Variants in PSORS1C1 observed in about 807,000 individuals in gnomAD.
PSORS1C1 encodes the protein psoriasis susceptibility 1 candidate gene 1 protein.
Under a neutral mutation model 9.4 loss-of-function variants are expected in PSORS1C1, and 7 were observed. The ratio of observed to expected loss-of-function variants is 0.75; its 90% confidence interval spans 0.42 to 1.40. The LOEUF (loss-of-function observed/expected upper bound fraction) is 1.40, where lower values mean the gene tolerates loss of function less well. PSORS1C1 is among the 40% of genes most tolerant of loss of function. PSORS1C1 has a pLI of 0.01. For synonymous variants in PSORS1C1, 63 were observed against 69.4 expected (o/e 0.91, Z 0.46); for missense variants, 146 against 178.1 (o/e 0.82, Z 1.02).
chr6:31,130,572 C>T (rs543917598), intron 3 of PSORS1C1, among the ~76,000 whole-genome samples: 1 of 151,188 alleles, frequency 6.6e-6, no homozygotes, highest in East Asian at 1.9e-4. Flanking sequence ...CCACCACTCC[C>T]GGCTAATTTT....
At position 31,139,156 on chromosome 6, in the gene PSORS1C1, G is replaced by A. The variant is rs1773320929; in HGVS notation, c.167+377G>A. Reference sequence around the variant, plus strand: ...CAGGAATACCATCAGAACAGAACTGGTCAAACCCGTTGGGAAGGCCTGGGC... The same window carrying A: ...CAGGAATACCATCAGAACAGAACTGATCAAACCCGTTGGGAAGGCCTGGGC... On this transcript the variant is annotated intron_variant, in intron 5 of 5. Coordinates refer to ENST00000259881, the MANE Select transcript of PSORS1C1 (RefSeq NM_014068.3). The surrounding 1 kb of genome is among the most constrained non-coding windows in gnomAD (Gnocchi z 5.2). 1 of 717,422 alleles carries A rather than the reference G, an allele frequency of 1.4e-6. No individual in the cohort carries two copies. Among genetic ancestry groups the A allele is most frequent in the Non-Finnish European group, 2.4e-6 (1 of 419,830 alleles). The allele number at this position is 717,422 out of a possible 1,614,324, so 44.4% of individuals were successfully genotyped here. A position where few individuals can be genotyped will look rare whatever the true frequency, so the allele number is the denominator to read the frequency against.
chr6:31,116,126 G>A (rs200654068), intron 1 of PSORS1C1: 6 of 1,610,864 alleles, frequency 3.7e-6, no homozygotes, highest in East Asian at 2.2e-5. Context: ...CGGATGGAGC[G>A]GCAGGGGATC....
chr6:31,133,516 G>A, intron 3 of PSORS1C1: 1 of 152,242 alleles, frequency 6.6e-6, no homozygotes, highest in Non-Finnish European at 1.5e-5. Flanking sequence ...GCCCTTCCTG[G>A]TCCATCCTCC....
At position 31,127,577 on chromosome 6, in the gene PSORS1C1, A is replaced by ATTATTATTATTATTATTG. The variant is rs1167679447; in HGVS notation, c.-65+1752_-65+1753insATTGTTATTATTATTATT. Among the ~76,000 whole-genome samples the ATTATTATTATTATTATTG allele has an allele frequency of 6.8e-4, 102 of 148,918 alleles. 3 individuals are homozygous for ATTATTATTATTATTATTG. The East Asian group carries it at 0.02, about 29-fold the overall frequency. ...GGAGACAGGAATTATTATTATTATT[A>ATTATTATTATTATTATTG]TTATTATTATTATTTTGAGATGGAG... On this transcript the variant is annotated intron_variant, in intron 2 of 5. Coordinates refer to ENST00000259881, the MANE Select transcript of PSORS1C1 (RefSeq NM_014068.3).
chr6:31,135,670 G>C (rs1464574047), intron 3 of PSORS1C1, among the ~76,000 whole-genome samples: 1 of 152,236 alleles, frequency 6.6e-6, no homozygotes, highest in African/African-American at 2.4e-5. Context: ...TTGAACAAGT[G>C]TTAGAAACAG....
rs3094663 is a variant in PSORS1C1, at chr6:31,139,310, T to C, written c.168-331T>C. ...CTGGTTTTCACACCCTCCATCCACA[T>C]CCTGGAGCAGTCAATACCCACTTGG... On this transcript the variant is annotated intron_variant, in intron 5 of 5. Transcript: ENST00000259881. This position sits in a 1 kb window ranked among gnomAD's most constrained non-coding sequence, Gnocchi z 5.2. 415,484 of 582,388 alleles carry C rather than the reference T, an allele frequency of 0.71. 148,791 individuals are homozygous for C. The highest frequency in any genetic ancestry group is 0.78 in the Middle Eastern group (1,716 of 2,208). 36.1% of individuals were successfully genotyped at this position (582,388 alleles called of 1,614,324 possible).
intron 3 of PSORS1C1, among the ~76,000 whole-genome samples, chr6:31,131,097 C>T (rs1772891425): frequency 6.6e-6 from 1 of 152,138 alleles, no homozygotes. Context: ...CTGCACTTGG[C>T]ACCAAGATCT....
In PSORS1C1 at chr6:31,139,965, C is replaced by T. The variant is rs1377055425; in HGVS notation, c.*33C>T. 1.3e-6 allele frequency: 2 copies of T among 1,575,884 alleles called. No individual in the cohort carries two copies. The highest frequency in any genetic ancestry group is 1.7e-6 in the Non-Finnish European group (2 of 1,151,208). ...AGAGAGACCCCTAGAACGTTTCCCT[C>T]AAGGACCTTTCTGCCTGGAAGTCTG... On this transcript the variant is annotated 3_prime_UTR_variant, in exon 6 of 6. Transcript: ENST00000259881. The surrounding 1 kb of genome is among the most constrained non-coding windows in gnomAD (Gnocchi z 5.2).
rs1772651681 is a variant in PSORS1C1 at position 31,125,716 on chromosome 6, C to T, written c.-188C>T. On this transcript the variant is annotated 5_prime_UTR_variant, in exon 2 of 6. Coordinates refer to ENST00000259881, the MANE Select transcript of PSORS1C1 (RefSeq NM_014068.3). Reference sequence around the variant, plus strand: ...GGAATCTACAGTCCGTGAGCCCTGACTTCTTGCCTTCGTCTCAAATAGACT... The same window carrying T: ...GGAATCTACAGTCCGTGAGCCCTGATTTCTTGCCTTCGTCTCAAATAGACT... The T allele has an allele frequency of 6.6e-6, 1 of 152,204 alleles. No individual in the cohort carries two copies. Among genetic ancestry groups the T allele is most frequent in the Non-Finnish European group, 1.5e-5 (1 of 68,062 alleles). The allele number at this position is 152,204 out of a possible 1,614,324, so 9.4% of individuals were successfully genotyped here.
intron 3 of PSORS1C1, among the ~76,000 whole-genome samples, chr6:31,134,091 G>C (rs1327848565): frequency 6.6e-6 from 1 of 151,938 alleles, no homozygotes; most frequent in African/African-American, 2.4e-5. Context: ...GGATTCTCCT[G>C]CCTCAGCCTC....
rs1347995048 is a variant in PSORS1C1, at chr6:31,139,302, C to T, written c.168-339C>T. ...ACCCCACCCTGGTTTTCACACCCTC[C>T]ATCCACATCCTGGAGCAGTCAATAC... On this transcript the variant is annotated intron_variant, in intron 5 of 5. Coordinates refer to ENST00000259881, the MANE Select transcript of PSORS1C1 (RefSeq NM_014068.3). This position sits in a 1 kb window ranked among gnomAD's most constrained non-coding sequence, Gnocchi z 5.2. 10 of 574,832 alleles carry T rather than the reference C, an allele frequency of 1.7e-5. No homozygotes were observed. The Admixed American group carries it at 2.8e-4, about 16-fold the overall frequency. 35.6% of individuals were successfully genotyped at this position (574,832 alleles called of 1,614,324 possible). A position where few individuals can be genotyped will look rare whatever the true frequency, so the allele number is the denominator to read the frequency against.
chr6:31,116,418 G>A (rs1459815327), intron 1 of PSORS1C1: 1 of 1,592,142 alleles, frequency 6.3e-7, no homozygotes, highest in East Asian at 2.3e-5. Flanking sequence ...TAGAACTGCT[G>A]GGGACTCGAG....
intron 3 of PSORS1C1, among the ~76,000 whole-genome samples, chr6:31,130,973 G>A (rs1167130133): frequency 3.3e-5 from 5 of 151,898 alleles, no homozygotes; most frequent in Non-Finnish European, 7.4e-5. Context: ...GATTACAGGT[G>A]CGCCCTACCA....
At chr6:31,129,938 C>T (rs1012837386) in intron 3 of PSORS1C1, among the ~76,000 whole-genome samples, 1 of 152,072 alleles carries the variant, frequency 6.6e-6, no homozygotes, top group African/African-American at 2.4e-5. Context: ...TTAAGAATTT[C>T]TCTTAGCTGG....
intron 1 of PSORS1C1, chr6:31,116,925 C>T: frequency 1.9e-6 from 3 of 1,614,128 alleles, no homozygotes; most frequent in South Asian, 1.1e-5. Flanking sequence ...AGACGATGGG[C>T]CCTCCACTGC....
At chr6:31,116,934 G>A in intron 1 of PSORS1C1, 1 of 1,614,212 alleles carries the variant, frequency 6.2e-7, no homozygotes, top group Non-Finnish European at 8.5e-7. Context: ...GCCCTCCACT[G>A]CAGGGAGAGT....
At chr6:31,130,320 A>G (rs1463514556) in intron 3 of PSORS1C1, among the ~76,000 whole-genome samples, 2 of 149,440 alleles carry the variant, frequency 1.3e-5, no homozygotes, top group Non-Finnish European at 3.0e-5. Flanking sequence ...TGGTGCAATC[A>G]TATCTCACTC....
chr6:31,129,754 A>C (rs1772826620), intron 3 of PSORS1C1, 109 bp downstream of exon 3: 1 of 725,782 alleles, frequency 1.4e-6, no homozygotes, highest in Admixed American at 2.0e-5. Flanking sequence ...AGGGATACAA[A>C]GAAAGACAAG....
chr6:31,120,550 G>T, intron 1 of PSORS1C1: 1 of 791,392 alleles, frequency 1.3e-6, no homozygotes, highest in South Asian at 1.5e-5. Flanking sequence ...GGTGCCCCAG[G>T]GGAAGTTGGT....
Sources: allele counts gnomAD v4.1 joint callset (sites outside exome capture counted in the v4.1 genomes callset), GRCh38; gene constraint gnomAD v4.1.1; non-coding constraint Gnocchi (gnomAD v3.1); transcripts MANE v1.5; gene names NCBI Gene and HGNC (gene_info 2026-07-23, HGNC 2026-07-21).